ATP8A2: variants seen among roughly 807,000 people sequenced by gnomAD.
The protein encoded by ATP8A2 is phospholipid-transporting ATPase IB.
A neutral mutation model predicts 165.6 loss-of-function variants in ATP8A2; 100 were observed. The observed-to-expected ratio is 0.60, with a 90% CI of 0.51 to 0.71. The LOEUF (loss-of-function observed/expected upper bound fraction) is 0.71. Ranked by LOEUF, ATP8A2 falls within the 30% of genes least tolerant of loss-of-function variation. The pLI is 0.00. For synonymous variants in ATP8A2, 543 were observed against 548.8 expected (o/e 0.99, Z 0.15); for missense variants, 1,227 against 1,479.5 (o/e 0.83, Z 2.80).
intron 35 of ATP8A2, among the ~76,000 whole-genome samples, chr13:25,993,747 A>G (rs1232584203): frequency 6.6e-6 from 1 of 152,104 alleles, no homozygotes; most frequent in African/African-American, 2.4e-5. Context: ...TATTGTAATT[A>G]TATCATAAGT....
At chr13:25,435,958 T>A (rs1333832563) in intron 1 of ATP8A2, among the ~76,000 whole-genome samples, 37 of 20,488 alleles carry the variant, frequency 1.8e-3, no homozygotes, top group Non-Finnish European at 4.5e-3. Flanking sequence ...TGTGAGTGTG[T>A]GTGTGTGTGT....
chr13:25,982,994 TCAATG>T lies in ATP8A2; in HGVS notation c.3377+14318_3377+14322del, dbSNP rs565040619. On this transcript the variant is annotated intron_variant, in intron 35 of 36. Coordinates refer to ENST00000381655, the MANE Select transcript of ATP8A2 (RefSeq NM_016529.6). ...CATCAAGTTTACTTCATGGTTTGTG[TCAATG>T]CATTATTCTTGCATTTGCTTCTTTC... 1.6e-4 allele frequency among the ~76,000 whole-genome samples: 25 copies of T among 152,336 alleles called. No homozygotes were observed. The South Asian group carries it at 5.2e-3, about 32-fold the overall frequency.
intron 35 of ATP8A2, among the ~76,000 whole-genome samples, chr13:25,987,034 A>C (rs1160065252): frequency 6.6e-6 from 1 of 152,226 alleles, no homozygotes; most frequent in East Asian, 1.9e-4. Flanking sequence ...TAGGCCAAGT[A>C]ATAATATGTA....
At chr13:25,675,440 G>T (rs529317344) in intron 24 of ATP8A2, among the ~76,000 whole-genome samples, 2 of 152,188 alleles carry the variant, frequency 1.3e-5, no homozygotes, top group Non-Finnish European at 2.9e-5. Context: ...ATCAAATCAG[G>T]CCTGGTGTAG....
chr13:25,839,471 T>C (rs909838645), intron 29 of ATP8A2, 75 bp from the exon 30 acceptor site: 11 of 976,236 alleles, frequency 1.1e-5, no homozygotes, highest in Non-Finnish European at 1.7e-5. Context: ...CTTCACAATG[T>C]GGCGTTTGTT....
rs112195083 is a variant in ATP8A2 at position 25,561,603 on chromosome 13, A to G, written c.1397+1838A>G. On this transcript the variant is annotated intron_variant, in intron 15 of 36. Coordinates refer to ENST00000381655, the MANE Select transcript of ATP8A2 (RefSeq NM_016529.6). ...TGGTGATCATTGGCTGTGTGCTCATATATTTTCATTTCTTTTTGTGTAAAA... is the reference window on the plus strand; with the variant it reads ...TGGTGATCATTGGCTGTGTGCTCATGTATTTTCATTTCTTTTTGTGTAAAA... Among the ~76,000 whole-genome samples, 545 of 151,870 alleles carry G rather than the reference A, an allele frequency of 3.6e-3. 9 individuals carry two copies. The highest frequency in any genetic ancestry group is 0.012 in the African/African-American group (498 of 41,374).
At chr13:25,502,198 G>A (rs892905860) in intron 2 of ATP8A2, among the ~76,000 whole-genome samples, 1 of 152,204 alleles carries the variant, frequency 6.6e-6, no homozygotes, top group Non-Finnish European at 1.5e-5. Context: ...ATGTCAGACA[G>A]CAGTCATGTG....
Position 25,566,518 on chromosome 13 carries a change from G to C in ATP8A2, c.1473+2487G>C, listed in dbSNP as rs17082478. On this transcript the variant is annotated intron_variant, in intron 16 of 36. Coordinates refer to ENST00000381655, the MANE Select transcript of ATP8A2 (RefSeq NM_016529.6). ...GAATATGTCTGTTCAAGTTAGGATGGTGAATGGAAAAGGAGAAAGTGGCAG... is the reference window on the plus strand; with the variant it reads ...GAATATGTCTGTTCAAGTTAGGATGCTGAATGGAAAAGGAGAAAGTGGCAG... Among the ~76,000 whole-genome samples the C allele has an allele frequency of 6.7e-3, 1,015 of 152,320 alleles. 15 individuals carry two copies. Among genetic ancestry groups the C allele is most frequent in the African/African-American group, 0.024 (984 of 41,560 alleles).
chr13:25,843,627 C>T (rs1332016778), intron 30 of ATP8A2, among the ~76,000 whole-genome samples: 1 of 152,182 alleles, frequency 6.6e-6, no homozygotes, highest in Non-Finnish European at 1.5e-5. Flanking sequence ...TGATCTTGGA[C>T]TTCGCAGGCT....
chr13:25,747,367 C>T (rs935883378), intron 25 of ATP8A2, among the ~76,000 whole-genome samples: 3 of 152,184 alleles, frequency 2.0e-5, no homozygotes, highest in African/African-American at 7.2e-5. Context: ...TTTTCAGTGT[C>T]GCATTTCCAA....
At chr13:25,985,508 A>G (rs897859024) in intron 35 of ATP8A2, among the ~76,000 whole-genome samples, 3 of 152,206 alleles carry the variant, frequency 2.0e-5, no homozygotes, top group African/African-American at 4.8e-5. Context: ...GGATTAGAGA[A>G]GCACCTAGCT....
At chr13:25,806,940 A>G (rs956157165) in intron 27 of ATP8A2, among the ~76,000 whole-genome samples, 3 of 152,170 alleles carry the variant, frequency 2.0e-5, no homozygotes, top group Non-Finnish European at 2.9e-5. Context: ...GATGTTAAAC[A>G]TCTTTTCATG....
At chr13:25,468,416 C>G (rs1593351757) in intron 1 of ATP8A2, among the ~76,000 whole-genome samples, 1 of 152,196 alleles carries the variant, frequency 6.6e-6, no homozygotes, top group Non-Finnish European at 1.5e-5. Context: ...GTCTCCGAAG[C>G]CCATTTTTAG....
At position 25,372,868 on chromosome 13, in the gene ATP8A2, C is replaced by G. The variant is rs1193158160; in HGVS notation, c.76+580C>G. ...AACCATCTGGAGACGAACACACACA[C>G]GCACACGCGCGCGCACACACACACA... On this transcript the variant is annotated intron_variant, in intron 1 of 36. Coordinates refer to ENST00000381655, the MANE Select transcript of ATP8A2 (RefSeq NM_016529.6). This position sits in a 1 kb window ranked among gnomAD's most constrained non-coding sequence, Gnocchi z 4.8. Among the ~76,000 whole-genome samples, 3 of 152,084 alleles carry G rather than the reference C, an allele frequency of 2.0e-5. No homozygotes were observed. The East Asian group carries it at 5.9e-4, about 30-fold the overall frequency.
chr13:25,922,875 CT>C (rs1302837983), intron 33 of ATP8A2, among the ~76,000 whole-genome samples: 1 of 152,188 alleles, frequency 6.6e-6, no homozygotes, highest in Admixed American at 6.5e-5. Flanking sequence ...TCCTTGTAGC[CT>C]CATTCCTGCA....
At chr13:25,518,415 G>C (rs989997233) in intron 2 of ATP8A2, among the ~76,000 whole-genome samples, 2 of 152,174 alleles carry the variant, frequency 1.3e-5, no homozygotes, top group Non-Finnish European at 2.9e-5. Flanking sequence ...CTGTATGTTG[G>C]GAAGATATAA....
chr13:25,766,449 A>G (rs1186018565), intron 25 of ATP8A2, among the ~76,000 whole-genome samples: 2 of 152,194 alleles, frequency 1.3e-5, no homozygotes, highest in Non-Finnish European at 2.9e-5. Context: ...TGACAATGGC[A>G]TGTGGTGATG....
intron 33 of ATP8A2, among the ~76,000 whole-genome samples, chr13:25,903,172 C>G (rs1364454781): frequency 6.6e-6 from 1 of 152,104 alleles, no homozygotes; most frequent in Non-Finnish European, 1.5e-5. Context: ...TGCCATAGCT[C>G]CTGTCTTGGT....
At chr13:25,885,579 C>T (rs780911614) in intron 33 of ATP8A2, among the ~76,000 whole-genome samples, 2 of 152,234 alleles carry the variant, frequency 1.3e-5, no homozygotes, top group East Asian at 1.9e-4. Context: ...GCAGAGCCCC[C>T]GGGGTTGGCG....
Sources: allele counts gnomAD v4.1 joint callset (sites outside exome capture counted in the v4.1 genomes callset), GRCh38; gene constraint gnomAD v4.1.1; non-coding constraint Gnocchi (gnomAD v3.1); transcripts MANE v1.5; gene names NCBI Gene and HGNC (gene_info 2026-07-23, HGNC 2026-07-21).